Variants in LHPP observed in about 807,000 individuals in gnomAD.
The protein encoded by LHPP is hLHPP.
In LHPP, 24 loss-of-function variants were observed where a neutral mutation model predicts 30.3. That is an observed-to-expected ratio of 0.79 (90% confidence interval 0.57 to 1.11). The LOEUF (loss-of-function observed/expected upper bound fraction) is 1.11. Among genes scored for constraint, LHPP ranks in the 50% most tolerant of loss-of-function variants. LHPP has a pLI of 0.00. For missense variants in LHPP, 356 were observed against 367.2 expected (o/e 0.97, Z 0.25); for synonymous variants, 150 against 157.1 (o/e 0.95, Z 0.34).
intron 5 of LHPP, 43 bp downstream of exon 5, chr10:124,498,171 G>A (rs368363840): frequency 2.5e-5 from 40 of 1,575,532 alleles, no homozygotes; most frequent in South Asian, 8.9e-5. Context: ...AGGCAGCCCC[G>A]TCAGGGAGGC....
At chr10:124,588,603 G>C (rs1194222530) in intron 6 of LHPP, among the ~76,000 whole-genome samples, 1 of 152,128 alleles carries the variant, frequency 6.6e-6, no homozygotes, top group African/African-American at 2.4e-5. Context: ...ATCAATACAA[G>C]TTTTTACAGA....
rs1284707850 is a variant in LHPP, at chr10:124,522,351, C to T, written c.716+5080C>T. ...TCCCCCAGACTCCTCGAGGTCCCAT[C>T]CAGCCACAGCGTTCCTGCTGCCCAG... On this transcript the variant is annotated intron_variant, in intron 6 of 6. Coordinates refer to ENST00000368842, the MANE Select transcript of LHPP (RefSeq NM_022126.4). 3.3e-5 allele frequency among the ~76,000 whole-genome samples: 5 copies of T among 152,340 alleles called. No individual in the cohort carries two copies. The East Asian group carries it at 9.7e-4, about 29-fold the overall frequency.
chr10:124,550,529 G>A (rs560859757), intron 6 of LHPP, among the ~76,000 whole-genome samples: 5 of 152,320 alleles, frequency 3.3e-5, no homozygotes, highest in South Asian at 2.1e-4. Flanking sequence ...TTCGTGCACC[G>A]GGTGGTGTGG....
rs900194713 is a variant in LHPP at position 124,510,118 on chromosome 10, A to G, written c.625-7062A>G. On this transcript the variant is annotated intron_variant, in intron 5 of 6. Coordinates refer to ENST00000368842, the MANE Select transcript of LHPP (RefSeq NM_022126.4). The surrounding 1 kb of genome is among the most constrained non-coding windows in gnomAD (Gnocchi z 4.0). ...GACCTTTCATTTTTTTCTCCGCCTC[A>G]CACCCCACCATGTCGTGTCTGAAAG... Among the ~76,000 whole-genome samples the G allele has an allele frequency of 1.3e-5, 2 of 151,586 alleles. No individual in the cohort carries two copies. Among genetic ancestry groups the G allele is most frequent in the African/African-American group, 4.9e-5 (2 of 41,182 alleles).
rs899914977 is a variant in LHPP at position 124,510,481 on chromosome 10, C to T, written c.625-6699C>T. Among the ~76,000 whole-genome samples the T allele has an allele frequency of 5.3e-5, 8 of 152,176 alleles. No individual in the cohort carries two copies. The highest frequency in any genetic ancestry group is 3.3e-4 in the Admixed American group (5 of 15,284). On this transcript the variant is annotated intron_variant, in intron 5 of 6. Transcript: ENST00000368842. The surrounding 1 kb of genome is among the most constrained non-coding windows in gnomAD (Gnocchi z 4.0). ...GCCTGGAGGCAGCCTCGCTTTATCC[C>T]GCAGAACCTCCACGCTGTTCCTGCA... is the stretch of plus-strand genomic sequence containing the variant.
chr10:124,498,401 A>T (rs1405358111), intron 5 of LHPP: 21 of 1,547,038 alleles, frequency 1.4e-5, no homozygotes, highest in Non-Finnish European at 1.7e-5. Context: ...CTCTGAAAGG[A>T]TAAGAATTGA....
chr10:124,571,856 G>C (rs569851254), intron 6 of LHPP, among the ~76,000 whole-genome samples: 3 of 152,238 alleles, frequency 2.0e-5, no homozygotes, highest in Non-Finnish European at 4.4e-5. Context: ...AAGTTGGGTT[G>C]TCTGTAAGAG....
chr10:124,612,470 T>C (rs1338824203), intron 6 of LHPP, among the ~76,000 whole-genome samples: 1 of 152,114 alleles, frequency 6.6e-6, no homozygotes, highest in Non-Finnish European at 1.5e-5. Flanking sequence ...TTCCTGCTCC[T>C]GGGGCTCTCC....
intron 1 of LHPP, among the ~76,000 whole-genome samples, chr10:124,469,108 G>C (rs1366738515): frequency 6.6e-6 from 1 of 152,122 alleles, no homozygotes; most frequent in African/African-American, 2.4e-5. Context: ...TCCTTGATAT[G>C]TACAGCCTGC....
chr10:124,568,951 C>CT (rs539801355), intron 6 of LHPP, among the ~76,000 whole-genome samples: 1 of 152,244 alleles, frequency 6.6e-6, no homozygotes, highest in South Asian at 2.1e-4. Flanking sequence ...TTCTGTCCCC[C>CT]CCACGGCTCC....
At chr10:124,566,893 G>A (rs942652950) in intron 6 of LHPP, among the ~76,000 whole-genome samples, 2 of 152,166 alleles carry the variant, frequency 1.3e-5, no homozygotes, top group African/African-American at 2.4e-5. Flanking sequence ...CGTGCTGGTC[G>A]CACATCCCTG....
At chr10:124,580,792 C>T (rs1047428865) in intron 6 of LHPP, among the ~76,000 whole-genome samples, 9 of 148,676 alleles carry the variant, frequency 6.1e-5, no homozygotes, top group Non-Finnish European at 1.3e-4. Flanking sequence ...AATCTTGGCT[C>T]ACTGCAACCT....
chr10:124,498,208 C>A, intron 5 of LHPP, 80 bp downstream of exon 5: 2 of 1,369,428 alleles, frequency 1.5e-6, no homozygotes, highest in Non-Finnish European at 2.1e-6. Context: ...GATTACAGGA[C>A]TCAGGCAGCC....
At chr10:124,472,016 G>A (rs908247416) in intron 1 of LHPP, among the ~76,000 whole-genome samples, 1 of 151,808 alleles carries the variant, frequency 6.6e-6, no homozygotes, top group African/African-American at 2.4e-5. Context: ...GTGTTTTTAT[G>A]AATAACAATG....
At chr10:124,546,409 G>GTTTT (rs1955341210) in intron 6 of LHPP, among the ~76,000 whole-genome samples, 1 of 152,132 alleles carries the variant, frequency 6.6e-6, no homozygotes, top group African/African-American at 2.4e-5. Flanking sequence ...TTGTTTGTTT[G>GTTTT]TTTGTTTTTT....
intron 1 of LHPP, among the ~76,000 whole-genome samples, chr10:124,462,755 T>C (rs1248444641): frequency 6.6e-6 from 1 of 152,256 alleles, no homozygotes; most frequent in Non-Finnish European, 1.5e-5. Flanking sequence ...TGGAGTGCAA[T>C]GGCACGATCT....
intron 5 of LHPP, among the ~76,000 whole-genome samples, chr10:124,499,374 A>T (rs7919693): frequency 1 from 151,918 of 151,918 alleles, 75,959 homozygotes; most frequent in Non-Finnish European, 1. Flanking sequence ...GCCGGCATGG[A>T]GGCTGACGCC....
intron 6 of LHPP, among the ~76,000 whole-genome samples, chr10:124,568,947 C>A (rs1589872215): frequency 5.7e-5 from 1 of 17,586 alleles, no homozygotes; most frequent in African/African-American, 7.5e-5. Flanking sequence ...CATGTTCTGT[C>A]CCCCCCACGG....
intron 6 of LHPP, among the ~76,000 whole-genome samples, chr10:124,535,507 C>T (rs7069572): frequency 0.15 from 22,307 of 152,124 alleles, 2,450 homozygotes; most frequent in African/African-American, 0.31. Context: ...GAGATTCTCG[C>T]ATCTCAGCCT....
Sources: allele counts gnomAD v4.1 joint callset (sites outside exome capture counted in the v4.1 genomes callset), GRCh38; gene constraint gnomAD v4.1.1; non-coding constraint Gnocchi (gnomAD v3.1); transcripts MANE v1.5; gene names NCBI Gene and HGNC (gene_info 2026-07-23, HGNC 2026-07-21).